The following EBF2 variants were observed in gnomAD, a reference collection of about 807,000 sequenced individuals.
The protein encoded by EBF2 is transcription factor COE2.
EBF2 carries 21 observed loss-of-function variants against 72.8 expected under a neutral mutation model. The observed-to-expected ratio is 0.29, with a 90% CI of 0.20 to 0.42. EBF2 has a LOEUF of 0.42. EBF2 is among the 10% of genes least tolerant of loss of function. The pLI is 1.00. For synonymous variants in EBF2, 299 were observed against 274.2 expected (o/e 1.09, Z -0.89); for missense variants, 637 against 731.2 (o/e 0.87, Z 1.49).
At chr8:25,863,740 T>TA (rs1802252764) in intron 10 of EBF2, among the ~76,000 whole-genome samples, 2 of 152,094 alleles carry the variant, frequency 1.3e-5, no homozygotes, top group South Asian at 4.1e-4. Flanking sequence ...ATGCCTCTTG[T>TA]AAAAAACTAT....
At chr8:25,970,318 C>A (rs1804171795) in intron 6 of EBF2, among the ~76,000 whole-genome samples, 1 of 152,184 alleles carries the variant, frequency 6.6e-6, no homozygotes, top group African/African-American at 2.4e-5. Context: ...CGACAGGAGC[C>A]TTCATCTGCT....
chr8:26,018,419 G>A (rs368159963), intron 6 of EBF2, among the ~76,000 whole-genome samples: 4 of 149,852 alleles, frequency 2.7e-5, no homozygotes, highest in Non-Finnish European at 4.4e-5. Flanking sequence ...TTGGGAGGCC[G>A]AGGCAGGTGG....
At chr8:25,970,714 T>C (rs1243736763) in intron 6 of EBF2, among the ~76,000 whole-genome samples, 1 of 152,184 alleles carries the variant, frequency 6.6e-6, no homozygotes, top group African/African-American at 2.4e-5. Flanking sequence ...TTATTGCTTG[T>C]CCATAACTTT....
rs1194573284 is a variant in EBF2 at position 25,916,301 on chromosome 8, A to G, written c.552-7746T>C. ...ACTCTATCTCAAAAAAAAAAAAAAA[A>G]GCAAAAAACCCAAAAAAAACAAAAA... On this transcript the variant is annotated intron_variant, in intron 6 of 15. Transcript: ENST00000520164. 2.9e-5 allele frequency among the ~76,000 whole-genome samples: 4 copies of G among 139,086 alleles called. No individual in the cohort carries two copies. In the East Asian group the frequency reaches 8.4e-4, roughly 29 times the overall value. 91.2% of individuals were successfully genotyped at this position (139,086 alleles called of 152,430 possible).
At chr8:25,854,656 T>C (rs1330905984) in intron 14 of EBF2, among the ~76,000 whole-genome samples, 1 of 152,186 alleles carries the variant, frequency 6.6e-6, no homozygotes, top group Non-Finnish European at 1.5e-5. Flanking sequence ...ACTATTTTAA[T>C]AGGCTTTTTT....
chr8:25,854,114 A>C (rs1447275379), intron 14 of EBF2, among the ~76,000 whole-genome samples: 1 of 152,156 alleles, frequency 6.6e-6, no homozygotes, highest in East Asian at 1.9e-4. Context: ...TTTGGGAAGA[A>C]ATAATACAAT....
chr8:25,875,485 T>G (rs1458217335), intron 10 of EBF2, among the ~76,000 whole-genome samples: 3 of 152,206 alleles, frequency 2.0e-5, no homozygotes, highest in African/African-American at 7.2e-5. Flanking sequence ...TTAATAAAAA[T>G]GTGGAGTTCA....
At chr8:25,987,709 G>A (rs958370432) in intron 6 of EBF2, among the ~76,000 whole-genome samples, 3 of 151,978 alleles carry the variant, frequency 2.0e-5, no homozygotes, top group South Asian at 4.2e-4. Flanking sequence ...CTTCTGTATC[G>A]TGCTACTCTT....
chr8:25,938,040 A>C (rs1803608147), intron 6 of EBF2, among the ~76,000 whole-genome samples: 1 of 152,198 alleles, frequency 6.6e-6, no homozygotes, highest in Non-Finnish European at 1.5e-5. Flanking sequence ...GAGATCTGAA[A>C]AAAAGGATTC....
At chr8:25,851,697 C>CATGACTTGACAAAAGTGTTGTTGG (rs1450529418) in intron 14 of EBF2, among the ~76,000 whole-genome samples, 2 of 152,188 alleles carry the variant, frequency 1.3e-5, no homozygotes, top group Non-Finnish European at 2.9e-5. Flanking sequence ...GTCCAAGTCA[C>CATGACTTGACAAAAGTGTTGTTGG]ATGACTTGAC....
intron 15 of EBF2, among the ~76,000 whole-genome samples, chr8:25,847,026 G>C (rs1801854703): frequency 6.6e-6 from 1 of 152,228 alleles, no homozygotes; most frequent in South Asian, 2.1e-4. Flanking sequence ...TGGGCTGCCA[G>C]AGCACAAGCT....
intron 5 of EBF2, among the ~76,000 whole-genome samples, chr8:26,039,532 C>T (rs111900411): frequency 6.6e-6 from 1 of 152,222 alleles, no homozygotes; most frequent in Non-Finnish European, 1.5e-5. Flanking sequence ...GGAAGAAACG[C>T]CCACGCATCA....
In EBF2 at chr8:26,044,391, C is replaced by T. The variant is rs114671860; in HGVS notation, c.131+338G>A. On this transcript the variant is annotated intron_variant, in intron 1 of 15. Transcript: ENST00000520164. This position sits in a 1 kb window ranked among gnomAD's most constrained non-coding sequence, Gnocchi z 4.1. ...CCAGCGCCGGTGTTCACGCTCCGTT[C>T]GGGGCCAGGCCGGCTCGGCTTGCAG... 5.3e-3 allele frequency among the ~76,000 whole-genome samples: 810 copies of T among 152,378 alleles called. 8 individuals carry two copies. Among genetic ancestry groups the T allele is most frequent in the African/African-American group, 0.019 (775 of 41,598 alleles).
chr8:25,908,253 C>T (rs1803071729), intron 7 of EBF2, among the ~76,000 whole-genome samples: 2 of 152,176 alleles, frequency 1.3e-5, no homozygotes. Flanking sequence ...GTTGGTGCCT[C>T]TCCCCATAGG....
intron 7 of EBF2, among the ~76,000 whole-genome samples, chr8:25,900,469 AAG>A (rs1384044947): frequency 6.6e-6 from 1 of 152,172 alleles, no homozygotes; most frequent in Non-Finnish European, 1.5e-5. Flanking sequence ...TAAAAAAAGA[AAG>A]AAAAAGAAAT....
chr8:25,899,886 G>A (rs1210706497), intron 7 of EBF2, among the ~76,000 whole-genome samples: 1 of 152,146 alleles, frequency 6.6e-6, no homozygotes, highest in African/African-American at 2.4e-5. Context: ...AGTCCCAACG[G>A]GGCCTCACTT....
intron 6 of EBF2, among the ~76,000 whole-genome samples, chr8:25,994,178 T>G (rs1223958717): frequency 6.6e-6 from 1 of 152,086 alleles, no homozygotes; most frequent in African/African-American, 2.4e-5. Context: ...AACATAAATA[T>G]GACTATAAAA....
At chr8:25,856,820 T>C (rs1350592340) in intron 14 of EBF2, among the ~76,000 whole-genome samples, 1 of 152,216 alleles carries the variant, frequency 6.6e-6, no homozygotes. Context: ...TAAAATCTTA[T>C]AACAAATAGT....
chr8:25,973,436 T>G (rs896035818), intron 6 of EBF2, among the ~76,000 whole-genome samples: 4 of 152,318 alleles, frequency 2.6e-5, no homozygotes, highest in African/African-American at 9.6e-5. Flanking sequence ...CTGGACTGGC[T>G]TGAATGCACA....
Sources: allele counts gnomAD v4.1 joint callset (sites outside exome capture counted in the v4.1 genomes callset), GRCh38; gene constraint gnomAD v4.1.1; non-coding constraint Gnocchi (gnomAD v3.1); transcripts MANE v1.5; gene names NCBI Gene and HGNC (gene_info 2026-07-23, HGNC 2026-07-21).